ERBB4: variants seen among roughly 807,000 people sequenced by gnomAD.
The protein encoded by ERBB4 is receptor tyrosine-protein kinase erbB-4.
A neutral mutation model predicts 158.0 loss-of-function variants in ERBB4; 42 were observed. That is an observed-to-expected ratio of 0.27 (90% CI 0.21 to 0.34). The LOEUF (loss-of-function observed/expected upper bound fraction) is 0.34. Ranked by LOEUF, ERBB4 falls within the 10% of genes least tolerant of loss-of-function variation. ERBB4 has a pLI of 1.00. For synonymous variants in ERBB4, 583 were observed against 558.7 expected, an observed-to-expected ratio of 1.04 and a Z score of -0.61; for missense variants, 1,333 against 1,624.1, an observed-to-expected ratio of 0.82 and a Z score of 3.08.
chr2:211,723,088 G>T (rs921897694), intron 6 of ERBB4, among the ~76,000 whole-genome samples: 3 of 152,156 alleles, frequency 2.0e-5, no homozygotes, highest in Admixed American at 6.5e-5. Flanking sequence ...GAGGTAATTA[G>T]CTACAGTTGG....
At chr2:212,522,585 T>C (rs1692232661) in intron 1 of ERBB4, among the ~76,000 whole-genome samples, 1 of 151,854 alleles carries the variant, frequency 6.6e-6, no homozygotes, top group Non-Finnish European at 1.5e-5. Flanking sequence ...GGGGAGGGCA[T>C]CTGGACAGTA....
intron 1 of ERBB4, among the ~76,000 whole-genome samples, chr2:212,444,921 A>G (rs1219840729): frequency 6.6e-6 from 1 of 151,722 alleles, no homozygotes; most frequent in Non-Finnish European, 1.5e-5. Flanking sequence ...ACTTACTCCA[A>G]ATATGGGTTT....
intron 20 of ERBB4, among the ~76,000 whole-genome samples, chr2:211,543,958 T>C (rs919494350): frequency 6.6e-6 from 1 of 151,960 alleles, no homozygotes; most frequent in African/African-American, 2.4e-5. Flanking sequence ...AATAAGATCA[T>C]GGTAACAGGA....
chr2:211,433,231 AC>A (rs1273900737), intron 20 of ERBB4, among the ~76,000 whole-genome samples: 1 of 152,222 alleles, frequency 6.6e-6, no homozygotes, highest in African/African-American at 2.4e-5. Flanking sequence ...ATGGTAAAGA[AC>A]TTAGACTTTT....
chr2:212,212,425 A>C (rs984447199), intron 1 of ERBB4, among the ~76,000 whole-genome samples: 1 of 152,114 alleles, frequency 6.6e-6, no homozygotes, highest in Non-Finnish European at 1.5e-5. Flanking sequence ...GACGCAGACA[A>C]ATGGAAAAAC....
At position 212,282,382 on chromosome 2, in the gene ERBB4, A is replaced by C. The variant is rs185731292; in HGVS notation, c.83-157479T>G. The stretch of plus-strand genomic sequence containing the variant: ...GCTACTTTCACCTTTGAACTCTGGA[A>C]AGCACTTTTTAAAAAATATTTCTCT... On this transcript the variant is annotated intron_variant, in intron 1 of 27. Coordinates refer to ENST00000342788, the MANE Select transcript of ERBB4 (RefSeq NM_005235.3). Among the ~76,000 whole-genome samples, 83 of 152,032 alleles carry C rather than the reference A, an allele frequency of 5.5e-4. 1 individual carries two copies. In the East Asian group the frequency reaches 0.01, roughly 19 times the overall value.
chr2:212,234,673 T>G (rs1431855866), intron 1 of ERBB4, among the ~76,000 whole-genome samples: 1 of 152,206 alleles, frequency 6.6e-6, no homozygotes. Context: ...TGATCGCCAT[T>G]CTAACTGGCA....
At chr2:212,091,973 T>A (rs1227249379) in intron 2 of ERBB4, among the ~76,000 whole-genome samples, 1 of 152,162 alleles carries the variant, frequency 6.6e-6, no homozygotes, top group Admixed American at 6.6e-5. Flanking sequence ...CTCTCAGTAT[T>A]TTCTCTCTTC....
intron 20 of ERBB4, among the ~76,000 whole-genome samples, chr2:211,474,615 A>G (rs890449399): frequency 2.6e-5 from 4 of 152,114 alleles, no homozygotes; most frequent in Non-Finnish European, 4.4e-5. Context: ...TGGAAAGACA[A>G]TGTATTCAAT....
chr2:212,460,332 G>A (rs1282096323), intron 1 of ERBB4, among the ~76,000 whole-genome samples: 1 of 152,220 alleles, frequency 6.6e-6, no homozygotes, highest in Non-Finnish European at 1.5e-5. Flanking sequence ...AGCCAATTTG[G>A]AACTGAGTTA....
chr2:211,951,533 C>A (rs1180131374), intron 2 of ERBB4, among the ~76,000 whole-genome samples: 1 of 152,014 alleles, frequency 6.6e-6, no homozygotes, highest in Non-Finnish European at 1.5e-5. Flanking sequence ...TTTGTATTTG[C>A]ATATTACTAA....
chr2:212,037,624 T>C (rs2077045879), intron 2 of ERBB4, among the ~76,000 whole-genome samples: 1 of 152,170 alleles, frequency 6.6e-6, no homozygotes, highest in Non-Finnish European at 1.5e-5. Context: ...AGGCTGAATA[T>C]TTGGGCAAAG....
chr2:212,061,348 G>C (rs1200404495), intron 2 of ERBB4, among the ~76,000 whole-genome samples: 1 of 150,456 alleles, frequency 6.6e-6, no homozygotes, highest in Non-Finnish European at 1.5e-5. Context: ...AGCTACTCTG[G>C]AGCCTGAGAT....
chr2:212,311,313 T>C (rs533320311), intron 1 of ERBB4, among the ~76,000 whole-genome samples: 1 of 149,918 alleles, frequency 6.7e-6, no homozygotes, highest in South Asian at 2.1e-4. Flanking sequence ...TAGAATGAGA[T>C]AAAAGTGAAA....
chr2:211,955,270 C>T (rs751440812), intron 2 of ERBB4, among the ~76,000 whole-genome samples: 4 of 152,046 alleles, frequency 2.6e-5, no homozygotes, highest in Non-Finnish European at 4.4e-5. Context: ...TCATCACTGG[C>T]CGCTTAGCCA....
intron 2 of ERBB4, among the ~76,000 whole-genome samples, chr2:212,023,687 G>A (rs2076708784): frequency 6.6e-6 from 1 of 151,480 alleles, no homozygotes; most frequent in South Asian, 2.1e-4. Context: ...TAATATCAAT[G>A]TAAATTTCTG....
intron 1 of ERBB4, among the ~76,000 whole-genome samples, chr2:212,447,170 G>A (rs1385576128): frequency 6.6e-6 from 1 of 151,600 alleles, no homozygotes; most frequent in Non-Finnish European, 1.5e-5. Context: ...CTAATTTTTT[G>A]TATTTTTTAG....
chr2:211,487,183 T>C (rs141201676), intron 20 of ERBB4, among the ~76,000 whole-genome samples: 2,952 of 136,740 alleles, frequency 0.022, 121 homozygotes, highest in African/African-American at 0.076. Flanking sequence ...TGTGTGATGT[T>C]CCCCTTCCTG....
At chr2:212,512,832 C>T (rs1178401789) in intron 1 of ERBB4, among the ~76,000 whole-genome samples, 1 of 152,012 alleles carries the variant, frequency 6.6e-6, no homozygotes, top group Non-Finnish European at 1.5e-5. Flanking sequence ...AAAAGAAAAG[C>T]CCCTAGCAGA....
Sources: gnomAD v4.1 joint callset for allele counts (sites outside exome capture counted in the v4.1 genomes callset) on GRCh38, gnomAD v4.1.1 for gene constraint, MANE v1.5 for transcripts, NCBI Gene and HGNC (gene_info 2026-07-23, HGNC 2026-07-21) for gene names.